AGBL3: variants seen among roughly 807,000 people sequenced by gnomAD.
The protein encoded by AGBL3 is cytosolic carboxypeptidase 3.
A neutral mutation model predicts 94.5 loss-of-function variants in AGBL3; 68 were observed. The observed-to-expected ratio is 0.72, with a 90% CI of 0.59 to 0.88. The LOEUF is 0.88. Ranked by LOEUF, AGBL3 falls within the 40% of genes least tolerant of loss-of-function variation. The pLI is 0.00. For synonymous variants in AGBL3, 354 were observed against 370.7 expected (o/e 0.95, Z 0.52); for missense variants, 934 against 1,103.8 (o/e 0.85, Z 2.18).
chr7:134,992,308 A>G (rs1389685765), intron 3 of AGBL3, among the ~76,000 whole-genome samples: 3 of 152,314 alleles, frequency 2.0e-5, no homozygotes, highest in East Asian at 3.9e-4. Context: ...TGAGTTCATT[A>G]TTTAGGTGTC....
intron 15 of AGBL3, among the ~76,000 whole-genome samples, chr7:135,106,883 A>C (rs1211052278): frequency 6.6e-6 from 1 of 152,082 alleles, no homozygotes; most frequent in Non-Finnish European, 1.5e-5. Flanking sequence ...TACTGATTCT[A>C]TTTCAGAGGT....
chr7:135,063,143 G>A (rs1038132475), intron 12 of AGBL3, among the ~76,000 whole-genome samples: 1 of 151,900 alleles, frequency 6.6e-6, no homozygotes, highest in Non-Finnish European at 1.5e-5. Flanking sequence ...CTAATTTGTT[G>A]GCATATAATT....
rs1478970170 is a variant in AGBL3 at position 135,076,492 on chromosome 7, T to C, written c.1980+24T>C. 6.7e-6 allele frequency: 10 copies of C among 1,488,374 alleles called. No homozygotes were observed. In the Middle Eastern group the frequency reaches 8.5e-4, roughly 127 times the overall value. 92.2% of individuals were successfully genotyped at this position (1,488,374 alleles called of 1,614,324 possible). ...AGGTAAATCTTCATTAATCTAGTTA[T>C]TAAGGTTTTTTTAAATGAATGAAAG... On this transcript the variant is annotated intron_variant, in intron 13 of 16. Coordinates refer to ENST00000436302, the MANE Select transcript of AGBL3 (RefSeq NM_178563.4).
chr7:135,095,726 T>C (rs2116955662), intron 15 of AGBL3, among the ~76,000 whole-genome samples: 1 of 152,330 alleles, frequency 6.6e-6, no homozygotes, highest in African/African-American at 2.4e-5. Flanking sequence ...TCACTTTTTT[T>C]CCCCTTGACT....
chr7:135,055,570 A>AT (rs1314763710), intron 11 of AGBL3, among the ~76,000 whole-genome samples: 2 of 152,098 alleles, frequency 1.3e-5, no homozygotes, highest in Non-Finnish European at 2.9e-5. Context: ...ACATCAACTG[A>AT]TTTTTGAATG....
At chr7:135,044,178 C>T (rs2116552882) in intron 9 of AGBL3, 27 bp downstream of exon 9, 1 of 1,535,168 alleles carries the variant, frequency 6.5e-7, no homozygotes, top group East Asian at 2.5e-5. Context: ...TCATTCACAG[C>T]TCTCAAAGCT....
At chr7:135,109,209 C>A (rs1433768408) in intron 15 of AGBL3, among the ~76,000 whole-genome samples, 1 of 152,310 alleles carries the variant, frequency 6.6e-6, no homozygotes, top group South Asian at 2.1e-4. Flanking sequence ...AGGTTAAGAA[C>A]CCTGGTTGGA....
intron 4 of AGBL3, among the ~76,000 whole-genome samples, chr7:135,005,234 A>G (rs182624423): frequency 1.3e-5 from 2 of 151,850 alleles, no homozygotes; most frequent in Admixed American, 1.3e-4. Flanking sequence ...ATTCCTTTTT[A>G]GTTTTGAGGT....
At chr7:135,074,894 T>C (rs1208163960) in intron 12 of AGBL3, among the ~76,000 whole-genome samples, 1 of 152,210 alleles carries the variant, frequency 6.6e-6, no homozygotes, top group African/African-American at 2.4e-5. Flanking sequence ...ATGTGCCGTA[T>C]TTTGAGTATA....
intron 11 of AGBL3, among the ~76,000 whole-genome samples, chr7:135,046,949 A>G (rs1407049406): frequency 6.6e-6 from 1 of 152,032 alleles, no homozygotes; most frequent in Non-Finnish European, 1.5e-5. Context: ...TGGTAAGAAC[A>G]CAGTATGAGA....
chr7:135,033,056 C>T, intron 6 of AGBL3, 74 bp downstream of exon 6: 1 of 1,360,642 alleles, frequency 7.3e-7, no homozygotes, highest in Non-Finnish European at 9.7e-7. Flanking sequence ...CATTAAAGTT[C>T]TTAGTATCCA....
Position 135,115,651 on chromosome 7 carries a change from C to T in AGBL3, c.2342+40C>T, listed in dbSNP as rs114250710. ...TTTTATCACTCTTATCTATTTAACACATCTTTTTTAAAAAAGCAGGGCTTA... is the reference window on the plus strand; with the variant it reads ...TTTTATCACTCTTATCTATTTAACATATCTTTTTTAAAAAAGCAGGGCTTA... On this transcript the variant is annotated intron_variant, in intron 16 of 16. Coordinates refer to ENST00000436302, the MANE Select transcript of AGBL3 (RefSeq NM_178563.4). 2.6e-3 allele frequency: 3,680 copies of T among 1,408,932 alleles called. 67 individuals are homozygous for T. The African/African-American group carries it at 0.046, about 18-fold the overall frequency. The allele number at this position is 1,408,932 out of a possible 1,614,324, so 87.3% of individuals were successfully genotyped here. A position where few individuals can be genotyped will look rare whatever the true frequency, so the allele number is the denominator to read the frequency against.
intron 11 of AGBL3, 35 bp downstream of exon 11, chr7:135,045,946 G>T (rs1341471170): frequency 1.5e-6 from 2 of 1,325,912 alleles, no homozygotes; most frequent in South Asian, 1.3e-5. Context: ...GCAATTTGTT[G>T]TGCTGTTTTA....
rs931887757 is a variant in AGBL3 at position 135,043,135 on chromosome 7, T to C, written c.1501-890T>C. 3.9e-5 allele frequency among the ~76,000 whole-genome samples: 6 copies of C among 152,144 alleles called. No homozygotes were observed. In the East Asian group the frequency reaches 1.2e-3, roughly 29 times the overall value. On this transcript the variant is annotated intron_variant, in intron 8 of 16. Coordinates refer to ENST00000436302, the MANE Select transcript of AGBL3 (RefSeq NM_178563.4). ...AAGATTGAATCCCTTCCTATAACTT[T>C]TTTAAAAGTATAAAATTTTATCCCA...
intron 12 of AGBL3, among the ~76,000 whole-genome samples, chr7:135,071,439 A>G (rs1328209625): frequency 6.6e-6 from 1 of 152,200 alleles, no homozygotes; most frequent in Non-Finnish European, 1.5e-5. Context: ...ACCAAAAAAG[A>G]GCCCGCATTG....
intron 7 of AGBL3, among the ~76,000 whole-genome samples, chr7:135,036,015 A>G (rs2116466069): frequency 6.6e-6 from 1 of 152,224 alleles, no homozygotes; most frequent in Non-Finnish European, 1.5e-5. Context: ...TTGTAATTTC[A>G]CTGTAGTTTA....
rs982757536 is a variant in AGBL3, at chr7:135,004,495, C to T, written c.310+10817C>T. On this transcript the variant is annotated intron_variant, in intron 4 of 16. Coordinates refer to ENST00000436302, the MANE Select transcript of AGBL3 (RefSeq NM_178563.4). Reference sequence around the variant, plus strand: ...TTTTAATTAATGTTCTTTATAATTTCGAGAGAAATCTTCTAAAACTGTGCA... The same window carrying T: ...TTTTAATTAATGTTCTTTATAATTTTGAGAGAAATCTTCTAAAACTGTGCA... 2.5e-4 allele frequency among the ~76,000 whole-genome samples: 38 copies of T among 151,576 alleles called. 1 individual carries two copies. The highest frequency in any genetic ancestry group is 2.4e-4 in the African/African-American group (10 of 41,474).
rs1585202730 is a variant in AGBL3, at chr7:135,115,445, A to G, written c.2176A>G (p.Ile726Val). The G allele has an allele frequency of 6.4e-7, 1 of 1,551,508 alleles. No homozygotes were observed. ...CISFQSKKTG[I>V]NWTDDEKRSY... ...ATCTTTCCAAAGCAAGAAGACTGGCATAAATTGGACAGATGATGAAAAAAG... is the reference window on the plus strand; with the variant it reads ...ATCTTTCCAAAGCAAGAAGACTGGCGTAAATTGGACAGATGATGAAAAAAG... Residue 726 changes from isoleucine (I) to valine (V), a missense_variant, in exon 16 of 17, where the codon ATA becomes GTA. Ile to Val is a conservative substitution (Grantham distance 29, BLOSUM62 3). Around this residue, in one of 3 missense-constraint regions of AGBL3, gnomAD observed 441 missense variants for 518.2 expected, o/e 0.85. Coordinates refer to ENST00000436302, the MANE Select transcript of AGBL3 (RefSeq NM_178563.4).
chr7:135,131,336 A>G (rs1045170744), intron 16 of AGBL3, among the ~76,000 whole-genome samples: 2 of 152,056 alleles, frequency 1.3e-5, no homozygotes, highest in African/African-American at 4.8e-5. Flanking sequence ...GAGGGGAGGG[A>G]ACATAGAGGA....
Sources: allele counts gnomAD v4.1 joint callset (sites outside exome capture counted in the v4.1 genomes callset), GRCh38; gene constraint gnomAD v4.1.1; regional missense constraint gnomAD v4.1.1; transcripts MANE v1.5; gene names NCBI Gene and HGNC (gene_info 2026-07-23, HGNC 2026-07-21).